The following ICA1 variants were observed in gnomAD, a reference collection of about 807,000 sequenced individuals.
ICA1 encodes islet cell autoantigen 1.
In ICA1, 40 loss-of-function variants were observed where a neutral mutation model predicts 71.0. The observed-to-expected ratio is 0.56, with a 90% CI of 0.44 to 0.73. ICA1 has a LOEUF of 0.73. ICA1 is among the 30% of genes least tolerant of loss of function. The probability of loss-of-function intolerance (pLI) is 0.00; values close to 1 mark genes in which losing one functional copy is unlikely to be tolerated. For missense variants in ICA1, 578 were observed against 576.5 expected (o/e 1.00, Z -0.03); for synonymous variants, 207 against 209.5 (o/e 0.99, Z 0.10).
At chr7:8,141,621 C>A (rs1001608784) in intron 10 of ICA1, 144 bp downstream of exon 10, 2 of 578,372 alleles carry the variant, frequency 3.5e-6, no homozygotes, top group African/African-American at 1.9e-5. Flanking sequence ...ACATTTAGAA[C>A]TGAGTCTACA....
chr7:8,204,634 C>A (rs1790876574), intron 6 of ICA1, among the ~76,000 whole-genome samples: 1 of 152,114 alleles, frequency 6.6e-6, no homozygotes, highest in Non-Finnish European at 1.5e-5. Context: ...TCACATTGTT[C>A]ATTGTGGAGT....
intron 8 of ICA1, among the ~76,000 whole-genome samples, chr7:8,148,332 T>G (rs1000017447): frequency 2.6e-5 from 4 of 152,142 alleles, no homozygotes; most frequent in Non-Finnish European, 5.9e-5. Flanking sequence ...TTCCTTAATT[T>G]AACCCACTAC....
chr7:8,240,930 T>C (rs1803615614), intron 1 of ICA1, among the ~76,000 whole-genome samples: 1 of 152,188 alleles, frequency 6.6e-6, no homozygotes, highest in Non-Finnish European at 1.5e-5. Flanking sequence ...AGACCAAATC[T>C]ATGCTTGACT....
At chr7:8,225,688 A>G (rs1798395210) in intron 4 of ICA1, among the ~76,000 whole-genome samples, 1 of 152,200 alleles carries the variant, frequency 6.6e-6, no homozygotes, top group Admixed American at 6.6e-5. Context: ...CTATTTCTGT[A>G]TGTATCTATC....
chr7:8,178,759 C>T (rs1781338791), intron 6 of ICA1, among the ~76,000 whole-genome samples: 1 of 152,070 alleles, frequency 6.6e-6, no homozygotes, highest in South Asian at 2.1e-4. Context: ...TTCTAATTTG[C>T]TCTGCTCTGG....
intron 12 of ICA1, among the ~76,000 whole-genome samples, chr7:8,136,198 G>A (rs561929466): frequency 6.6e-6 from 1 of 152,054 alleles, no homozygotes; most frequent in Non-Finnish European, 1.5e-5. Flanking sequence ...CTGTTGTCAC[G>A]AGCGGTCTGC....
chr7:8,147,500 T>C (rs1338857986), intron 8 of ICA1, among the ~76,000 whole-genome samples: 1 of 152,090 alleles, frequency 6.6e-6, no homozygotes, highest in East Asian at 1.9e-4. Context: ...TCAAGACAGG[T>C]GCTAAATATG....
intron 6 of ICA1, among the ~76,000 whole-genome samples, chr7:8,184,854 C>G (rs933695450): frequency 4.6e-5 from 7 of 152,148 alleles, no homozygotes; most frequent in African/African-American, 1.7e-4. Flanking sequence ...GCGGGCAGAT[C>G]ACTTGAGGTC....
chr7:8,170,670 G>A (rs1310826375), intron 6 of ICA1, among the ~76,000 whole-genome samples: 3 of 151,866 alleles, frequency 2.0e-5, no homozygotes, highest in Non-Finnish European at 4.4e-5. Flanking sequence ...TGTATACTGT[G>A]ACCTTGCAAA....
intron 1 of ICA1, among the ~76,000 whole-genome samples, chr7:8,241,155 C>T (rs1302703963): frequency 6.6e-6 from 1 of 152,160 alleles, no homozygotes; most frequent in South Asian, 2.1e-4. Context: ...ATGTTAAGGG[C>T]AGCCAGAGAG....
chr7:8,229,243 T>C (rs146069176), intron 3 of ICA1, among the ~76,000 whole-genome samples: 2,224 of 152,286 alleles, frequency 0.015, 51 homozygotes, highest in African/African-American at 0.051. Context: ...TCCCCATCAC[T>C]CCTTATTTTC....
At chr7:8,245,217 A>T (rs1474213845) in intron 1 of ICA1, among the ~76,000 whole-genome samples, 1 of 152,160 alleles carries the variant, frequency 6.6e-6, no homozygotes, top group South Asian at 2.1e-4. Flanking sequence ...ACACCATGGA[A>T]TACTATGCAG....
At chr7:8,248,591 T>C (rs745581971) in intron 1 of ICA1, among the ~76,000 whole-genome samples, 13 of 152,134 alleles carry the variant, frequency 8.5e-5, no homozygotes, top group Non-Finnish European at 1.8e-4. Flanking sequence ...TGGTGCACAC[T>C]TGTGGTCCCA....
intron 13 of ICA1, among the ~76,000 whole-genome samples, chr7:8,125,069 A>T (rs577093515): frequency 6.6e-6 from 1 of 152,138 alleles, no homozygotes; most frequent in Admixed American, 6.5e-5. Flanking sequence ...GATTACAGGT[A>T]TGAGCCACCT....
rs911302325 is a variant in ICA1, at chr7:8,113,436, C to T, written c.*487G>A. On this transcript the variant is annotated 3_prime_UTR_variant, in exon 14 of 14. Transcript: ENST00000402384. The surrounding 1 kb of genome is among the most constrained non-coding windows in gnomAD (Gnocchi z 4.2). ...CAGTGTCTTTGGTTGGCCAGAGCTT[C>T]ATCCAGAGCTCACTGGAAGGTGGCT... 9 of 155,076 alleles carry T rather than the reference C, an allele frequency of 5.8e-5. No individual in the cohort carries two copies. The highest frequency in any genetic ancestry group is 5.7e-4 in the Admixed American group (9 of 15,844). 9.6% of individuals were successfully genotyped at this position (155,076 alleles called of 1,614,324 possible).
intron 6 of ICA1, among the ~76,000 whole-genome samples, chr7:8,162,357 G>A (rs920635510): frequency 6.6e-6 from 1 of 152,204 alleles, no homozygotes; most frequent in Non-Finnish European, 1.5e-5. Context: ...GCACTGCTGA[G>A]TTTCCAAATG....
Position 8,143,949 on chromosome 7 carries a change from T to G in ICA1, c.828A>C (p.Lys276Asn), listed in dbSNP as rs1172363522. 1.9e-6 allele frequency: 3 copies of G among 1,605,926 alleles called. No individual in the cohort carries two copies. The highest frequency in any genetic ancestry group is 2.7e-5 in the African/African-American group (2 of 74,636). The change falls in exon 9 of 14, where the codon AAA becomes AAC. Residue 276 changes from lysine to asparagine, a missense_variant. Lys to Asn is a moderately conservative substitution (Grantham distance 94). Transcript: ENST00000402384. The part of the protein sequence containing the change: ...TLKSLQDPMK[K>N]LVEKEEKKKI... ...TCTTCTTCTCTTCTTTCTCAACTAA[T>G]TTTTTCATAGGGTCTTGTAAGCTCT...
intron 6 of ICA1, among the ~76,000 whole-genome samples, chr7:8,212,426 G>A (rs1427492675): frequency 6.6e-6 from 1 of 152,158 alleles, no homozygotes; most frequent in Non-Finnish European, 1.5e-5. Context: ...TTAGCTGGGT[G>A]TGGTGGCCCG....
chr7:8,210,561 A>C (rs1348151880), intron 6 of ICA1, among the ~76,000 whole-genome samples: 1 of 152,154 alleles, frequency 6.6e-6, no homozygotes, highest in Non-Finnish European at 1.5e-5. Context: ...ATAATTTCCT[A>C]GCCTATCCAT....
Sources: gnomAD v4.1 joint callset for allele counts (sites outside exome capture counted in the v4.1 genomes callset) on GRCh38, gnomAD v4.1.1 for gene constraint, Gnocchi (gnomAD v3.1) non-coding constraint, MANE v1.5 for transcripts, NCBI Gene and HGNC (gene_info 2026-07-23, HGNC 2026-07-21) for gene names.